EDN1: variants seen among roughly 807,000 people sequenced by gnomAD.
EDN1 encodes the protein endothelin 1.
Under a neutral mutation model 21.7 loss-of-function variants are expected in EDN1, and 11 were observed. The ratio of observed to expected loss-of-function variants is 0.51; its 90% CI spans 0.32 to 0.84. The LOEUF is 0.84. Ranked by LOEUF, EDN1 falls within the 40% of genes least tolerant of loss-of-function variation. The pLI, the probability that EDN1 is intolerant of heterozygous loss-of-function variation, is 0.03. For synonymous variants in EDN1, 85 were observed against 90.6 expected, an observed-to-expected ratio of 0.94 and a Z score of 0.35; for missense variants, 244 against 262.3, an observed-to-expected ratio of 0.93 and a Z score of 0.48.
At chr6:12,288,814 T>C (rs1486725969), upstream of EDN1, among the ~76,000 whole-genome samples, 1 of 152,184 alleles carries the variant, frequency 6.6e-6, no homozygotes, top group African/African-American at 2.4e-5. Context: ...TTTCCCAGCA[T>C]GTGTGTTGTG....
the EDN1 span, among the ~76,000 whole-genome samples, chr6:12,252,420 T>G: frequency 1.3e-4 from 20 of 152,178 alleles, no homozygotes; most frequent in African/African-American, 4.8e-4. Flanking sequence ...AAATAAAAAT[T>G]TAGGTTCCAT....
the EDN1 span, among the ~76,000 whole-genome samples, chr6:12,274,445 A>G: frequency 6.6e-6 from 1 of 152,208 alleles, no homozygotes; most frequent in Non-Finnish European, 1.5e-5. Flanking sequence ...CAGTAATAGC[A>G]CATACCTCCC....
chr6:12,278,616 G>A, the EDN1 span, among the ~76,000 whole-genome samples: 1 of 152,158 alleles, frequency 6.6e-6, no homozygotes, highest in Non-Finnish European at 1.5e-5. Context: ...CTTGGGCCAG[G>A]CATGGTGGCT....
chr6:12,290,435 C>A lies in EDN1; in HGVS notation c.-195C>A, dbSNP rs1561692302. 3 of 601,926 alleles carry A rather than the reference C, an allele frequency of 5.0e-6. No homozygotes were observed. Among genetic ancestry groups the A allele is most frequent in the South Asian group, 2.0e-5 (1 of 50,430 alleles). 37.3% of individuals were successfully genotyped at this position (601,926 alleles called of 1,614,324 possible). On this transcript the variant is annotated 5_prime_UTR_variant, in exon 1 of 5. Transcript: ENST00000379375. The stretch of plus-strand genomic sequence containing the variant: ...AGTCCCAGCTCTCCACCGCCGCGTG[C>A]GCCTGCAGACGCTCCGCTCGCTGCC...
chr6:12,232,533 G>A, the EDN1 span, among the ~76,000 whole-genome samples: 4 of 152,078 alleles, frequency 2.6e-5, no homozygotes, highest in Non-Finnish European at 4.4e-5. Context: ...TAGCAATCTT[G>A]TATTTTCTCT....
In EDN1 at chr6:12,290,391, C is replaced by G; in HGVS notation, c.-239C>G. On this transcript the variant is annotated 5_prime_UTR_variant, in exon 1 of 5. Coordinates refer to ENST00000379375, the MANE Select transcript of EDN1 (RefSeq NM_001955.5). ...CGCCTCTGCATCTGCGCCAGGCGAA[C>G]GGGTCCTGCGCCTCCTGCAGTCCCA... 1 of 562,478 alleles carries G rather than the reference C, an allele frequency of 1.8e-6. No individual in the cohort carries two copies. The allele number at this position is 562,478 out of a possible 1,614,324, so 34.8% of individuals were successfully genotyped here. A position where few individuals can be genotyped will look rare whatever the true frequency, so the allele number is the denominator to read the frequency against.
the EDN1 span, among the ~76,000 whole-genome samples, chr6:12,274,113 G>T: frequency 6.6e-6 from 1 of 152,132 alleles, no homozygotes; most frequent in African/African-American, 2.4e-5. Flanking sequence ...TTATCACTGT[G>T]ACTAAACAAA....
chr6:12,274,449 A>G, the EDN1 span, among the ~76,000 whole-genome samples: 1 of 152,102 alleles, frequency 6.6e-6, no homozygotes, highest in African/African-American at 2.4e-5. Flanking sequence ...AATAGCACAT[A>G]CCTCCCTGAT....
At chr6:12,259,467 T>C in the EDN1 span, among the ~76,000 whole-genome samples, 1 of 151,540 alleles carries the variant, frequency 6.6e-6, no homozygotes, top group African/African-American at 2.4e-5. Context: ...AAATTGGCAC[T>C]GTAAAGATGT....
chr6:12,272,156 C>A, the EDN1 span, among the ~76,000 whole-genome samples: 3 of 152,128 alleles, frequency 2.0e-5, no homozygotes, highest in Non-Finnish European at 2.9e-5. Context: ...TTAAGGGAAT[C>A]CTCTCTTTCT....
chr6:12,245,775 G>A, the EDN1 span, among the ~76,000 whole-genome samples: 2 of 152,220 alleles, frequency 1.3e-5, no homozygotes, highest in Non-Finnish European at 2.9e-5. Flanking sequence ...GTGTGAGTGA[G>A]TGGGGTGATT....
rs1051974102 is a variant in EDN1, at chr6:12,290,421, TCCA to T, written c.-206_-204del. 1.5e-5 allele frequency: 9 copies of T among 592,494 alleles called. No homozygotes were observed. Among genetic ancestry groups the T allele is most frequent in the Admixed American group, 1.2e-4 (4 of 34,222 alleles). The allele number at this position is 592,494 out of a possible 1,614,324, so 36.7% of individuals were successfully genotyped here. On this transcript the variant is annotated 5_prime_UTR_variant, in exon 1 of 5. Transcript: ENST00000379375. The stretch of plus-strand genomic sequence containing the variant: ...CCTGCGCCTCCTGCAGTCCCAGCTC[TCCA>T]CCGCCGCGTGCGCCTGCAGACGCTC...
At chr6:12,267,132 A>G in the EDN1 span, among the ~76,000 whole-genome samples, 1 of 152,178 alleles carries the variant, frequency 6.6e-6, no homozygotes, top group Non-Finnish European at 1.5e-5. Context: ...TATAAGTTGA[A>G]GGTTTGTAGC....
the EDN1 span, among the ~76,000 whole-genome samples, chr6:12,231,776 A>T: frequency 6.6e-6 from 1 of 152,060 alleles, no homozygotes; most frequent in Non-Finnish European, 1.5e-5. Flanking sequence ...CACTCAAGTT[A>T]CACATAAATG....
the EDN1 span, among the ~76,000 whole-genome samples, chr6:12,249,371 T>A: frequency 6.6e-6 from 1 of 152,110 alleles, no homozygotes; most frequent in South Asian, 2.1e-4. Context: ...TTATATGGAT[T>A]GTAAAATGAC....
At chr6:12,262,917 T>C in the EDN1 span, among the ~76,000 whole-genome samples, 1 of 152,032 alleles carries the variant, frequency 6.6e-6, no homozygotes, top group African/African-American at 2.4e-5. Flanking sequence ...GACAGTGTTT[T>C]ACTCTCCCAG....
chr6:12,249,146 A>G, the EDN1 span, among the ~76,000 whole-genome samples: 2 of 152,124 alleles, frequency 1.3e-5, no homozygotes, highest in Admixed American at 6.6e-5. Context: ...CAGATTTTGT[A>G]TTTCTAACAA....
chr6:12,275,489 A>G, the EDN1 span, among the ~76,000 whole-genome samples: 1 of 152,174 alleles, frequency 6.6e-6, no homozygotes, highest in Non-Finnish European at 1.5e-5. Flanking sequence ...TATTGTAACC[A>G]AAATTTAATT....
chr6:12,246,256 G>A, the EDN1 span, among the ~76,000 whole-genome samples: 94 of 152,282 alleles, frequency 6.2e-4, no homozygotes, highest in African/African-American at 2.1e-3. Flanking sequence ...TGGGCAAGGG[G>A]CAGCATCTGA....
Sources: gnomAD v4.1 joint callset for allele counts (sites outside exome capture counted in the v4.1 genomes callset) on GRCh38, gnomAD v4.1.1 for gene constraint, MANE v1.5 for transcripts, NCBI Gene and HGNC (gene_info 2026-07-23, HGNC 2026-07-21) for gene names.